The following XPO6 variants were observed in gnomAD, a reference collection of about 807,000 sequenced individuals.
XPO6 encodes the protein exportin 6, also known as exportin-6.
In XPO6, 3 loss-of-function variants were observed where a neutral mutation model predicts 130.0. That is an observed-to-expected ratio of 0.02 (90% CI 0.01 to 0.06). XPO6 has a LOEUF of 0.06. XPO6 is among the 10% of genes least tolerant of loss of function. The pLI, the probability that XPO6 is intolerant of heterozygous loss-of-function variation, is 1.00. For synonymous variants in XPO6, 524 were observed against 548.9 expected, an observed-to-expected ratio of 0.95 and a Z score of 0.63; for missense variants, 970 against 1,393.0, an observed-to-expected ratio of 0.70 and a Z score of 4.83.
At chr16:28,128,974 AG>A (rs1159604387) in intron 12 of XPO6, among the ~76,000 whole-genome samples, 2 of 152,196 alleles carry the variant, frequency 1.3e-5, no homozygotes, top group Non-Finnish European at 2.9e-5. Context: ...AGCAAAGAGC[AG>A]TACCTAGGAT....
rs570791146 is a variant in XPO6 at position 28,132,264 on chromosome 16, G to A, written c.1606+70C>T. 1 of 1,161,468 alleles carries A rather than the reference G, an allele frequency of 8.6e-7. No individual in the cohort carries two copies. The highest frequency in any genetic ancestry group is 1.5e-5 in the African/African-American group (1 of 64,542). 71.9% of individuals were successfully genotyped at this position (1,161,468 alleles called of 1,614,324 possible). A position where few individuals can be genotyped will look rare whatever the true frequency, so the allele number is the denominator to read the frequency against. ...AAATCATGTTCCGACAGCAACGGCA[G>A]CAGTAATGAAATATCAGTCCGATGG... On this transcript the variant is annotated intron_variant, in intron 12 of 23. Transcript: ENST00000304658. The surrounding 1 kb of genome is among the most constrained non-coding windows in gnomAD (Gnocchi z 4.0).
At chr16:28,210,095 C>T (rs2044101816) in intron 1 of XPO6, among the ~76,000 whole-genome samples, 1 of 152,210 alleles carries the variant, frequency 6.6e-6, no homozygotes, top group African/African-American at 2.4e-5. Context: ...TGCCACTGCA[C>T]TCCAGCCTAG....
In XPO6 at chr16:28,161,425, GA is replaced by G. The variant is rs1304039576; in HGVS notation, c.644-4899del. Among the ~76,000 whole-genome samples, 13 of 152,150 alleles carry G rather than the reference GA, an allele frequency of 8.5e-5. No homozygotes were observed. The South Asian group carries it at 2.5e-3, about 29-fold the overall frequency. The stretch of plus-strand genomic sequence containing the variant: ...TCCGCCATTATAATGAGGATTTTGT[GA>G]ATTCATTAACGAAGGGTTTAAGTTC... On this transcript the variant is annotated intron_variant, in intron 6 of 23. Transcript: ENST00000304658.
intron 8 of XPO6, among the ~76,000 whole-genome samples, chr16:28,149,360 CAGAAA>C (rs2043044902): frequency 6.6e-6 from 1 of 152,166 alleles, no homozygotes; most frequent in Admixed American, 6.5e-5. Context: ...GGAAAAGAAA[CAGAAA>C]AGGAGAAACG....
In XPO6 at chr16:28,135,390, C is replaced by T. The variant is rs934316388; in HGVS notation, c.1335-66G>A. The T allele has an allele frequency of 3.1e-6, 4 of 1,284,598 alleles. No individual in the cohort carries two copies. The Admixed American group carries it at 7.2e-5, about 23-fold the overall frequency. The allele number at this position is 1,284,598 out of a possible 1,614,324, so 79.6% of individuals were successfully genotyped here. A position where few individuals can be genotyped will look rare whatever the true frequency, so the allele number is the denominator to read the frequency against. ...CAGCTTAGAATTTGGAAAATGCCTCCTGCACTATAAAAGAAATGGTGTCTA... is the reference window on the plus strand; with the variant it reads ...CAGCTTAGAATTTGGAAAATGCCTCTTGCACTATAAAAGAAATGGTGTCTA... On this transcript the variant is annotated intron_variant, in intron 9 of 23. Coordinates refer to ENST00000304658, the MANE Select transcript of XPO6 (RefSeq NM_015171.4).
chr16:28,110,288 C>A (rs2086887198), intron 17 of XPO6, among the ~76,000 whole-genome samples: 1 of 152,214 alleles, frequency 6.6e-6, no homozygotes. Flanking sequence ...CACCTCCCTG[C>A]CCTCTGAGTT....
At chr16:28,148,511 C>T (rs2043025135) in intron 8 of XPO6, among the ~76,000 whole-genome samples, 1 of 152,194 alleles carries the variant, frequency 6.6e-6, no homozygotes, top group Non-Finnish European at 1.5e-5. Flanking sequence ...TTTTCAGATT[C>T]CAGGGCTACA....
chr16:28,100,280 G>A (rs1035506422), intron 23 of XPO6, among the ~76,000 whole-genome samples: 19 of 152,198 alleles, frequency 1.2e-4, no homozygotes, highest in African/African-American at 1.4e-4. Flanking sequence ...GTGAGACACC[G>A]CGCCTGGCCT....
intron 15 of XPO6, chr16:28,117,062 G>A (rs1177371440): frequency 1.4e-5 from 6 of 416,602 alleles, no homozygotes; most frequent in Non-Finnish European, 2.6e-5. Context: ...TTTTAGTCTG[G>A]AAATCTGAAT....
chr16:28,155,949 T>G (rs2043177197), intron 7 of XPO6, 125 bp downstream of exon 7: 1 of 1,448,902 alleles, frequency 6.9e-7, no homozygotes, highest in Non-Finnish European at 9.1e-7. Context: ...CACCTACCTT[T>G]CTGTTCCTCA....
intron 1 of XPO6, among the ~76,000 whole-genome samples, chr16:28,195,836 T>C (rs995009237): frequency 1.3e-5 from 2 of 152,188 alleles, no homozygotes; most frequent in Admixed American, 1.3e-4. Flanking sequence ...TCATCCCAAA[T>C]ACCACTCTTG....
rs779589410 is a variant in XPO6 at position 28,098,521 on chromosome 16, C to T, written c.*17G>A. The T allele has an allele frequency of 1.9e-6, 3 of 1,600,008 alleles. No homozygotes were observed. Among genetic ancestry groups the T allele is most frequent in the East Asian group, 2.3e-5 (1 of 44,278 alleles). On this transcript the variant is annotated 3_prime_UTR_variant, in exon 24 of 24. Coordinates refer to ENST00000304658, the MANE Select transcript of XPO6 (RefSeq NM_015171.4). ...GGTGGCAGCAGCAGAAGTCCGTGTC[C>T]CCAGGCAGTAGCAGGCCTAGAGCTT...
At chr16:28,155,486 G>A (rs1397627705) in intron 7 of XPO6, 11 of 151,918 alleles carry the variant, frequency 7.2e-5, no homozygotes, top group Non-Finnish European at 4.4e-5. Context: ...GTCATTGTAG[G>A]CTCCACTTGA....
intron 9 of XPO6, among the ~76,000 whole-genome samples, chr16:28,138,171 C>T (rs2042817593): frequency 6.6e-6 from 1 of 152,120 alleles, no homozygotes; most frequent in South Asian, 2.1e-4. Context: ...ACTTAGTAAA[C>T]TCCATAGAAA....
chr16:28,099,870 A>G (rs1192684776), intron 23 of XPO6, among the ~76,000 whole-genome samples: 3 of 152,200 alleles, frequency 2.0e-5, no homozygotes, highest in Non-Finnish European at 4.4e-5. Context: ...CCCTCAAAAA[A>G]CCAACTAAGG....
chr16:28,106,675 T>C lies in XPO6; in HGVS notation c.2498-178A>G, dbSNP rs994509031. ...GGAAAGTGGAAAACGATTAGGGACA[T>C]GCTGAGAAAATAGTTCTGGTATAGG... On this transcript the variant is annotated intron_variant, in intron 18 of 23. Transcript: ENST00000304658. This position sits in a 1 kb window ranked among gnomAD's most constrained non-coding sequence, Gnocchi z 4.2. 6.6e-6 allele frequency among the ~76,000 whole-genome samples: 1 copy of C among 152,168 alleles called. No homozygotes were observed. Among genetic ancestry groups the C allele is most frequent in the African/African-American group, 2.4e-5 (1 of 41,434 alleles).
intron 15 of XPO6, 29 bp from the exon 16 acceptor site, chr16:28,113,079 AC>A: frequency 6.2e-7 from 1 of 1,605,470 alleles, no homozygotes; most frequent in Non-Finnish European, 8.5e-7. Flanking sequence ...ACGTCAGCTC[AC>A]CACATCCCTG....
chr16:28,181,087 C>T, intron 1 of XPO6, 56 bp from the exon 2 acceptor site: 1 of 1,374,608 alleles, frequency 7.3e-7, no homozygotes. Flanking sequence ...TCCACTGTTC[C>T]TCAGTTCCTT....
intron 1 of XPO6, among the ~76,000 whole-genome samples, chr16:28,196,300 T>C (rs746929481): frequency 6.6e-6 from 1 of 152,332 alleles, no homozygotes; most frequent in Non-Finnish European, 1.5e-5. Context: ...CATCTTTTTA[T>C]GCATTCGGAG....
Sources: allele counts gnomAD v4.1 joint callset (sites outside exome capture counted in the v4.1 genomes callset), GRCh38; gene constraint gnomAD v4.1.1; non-coding constraint Gnocchi (gnomAD v3.1); transcripts MANE v1.5; gene names NCBI Gene and HGNC (gene_info 2026-07-23, HGNC 2026-07-21).